Variants in ARHGAP24 observed in about 807,000 individuals in gnomAD.
ARHGAP24 encodes the protein Rho GTPase activating protein 24.
ARHGAP24 carries 50 observed loss-of-function variants against 76.4 expected under a neutral mutation model. The observed-to-expected ratio is 0.65, with a 90% CI of 0.52 to 0.83. The LOEUF (loss-of-function observed/expected upper bound fraction) is 0.83. Among genes scored for constraint, ARHGAP24 ranks in the 40% least tolerant of loss-of-function variants. The probability of loss-of-function intolerance (pLI) is 0.00; values close to 1 mark genes in which losing one functional copy is unlikely to be tolerated. For missense variants in ARHGAP24, 930 were observed against 914.2 expected (o/e 1.02, Z -0.22); for synonymous variants, 345 against 323.3 (o/e 1.07, Z -0.72).
chr4:85,542,041 G>A (rs1725724985), intron 1 of ARHGAP24, among the ~76,000 whole-genome samples: 1 of 152,104 alleles, frequency 6.6e-6, no homozygotes, highest in Admixed American at 6.6e-5. Flanking sequence ...AAAGTAAAGA[G>A]GTGACCCTTC....
intron 1 of ARHGAP24, among the ~76,000 whole-genome samples, chr4:85,561,727 G>C (rs1369770282): frequency 2.6e-5 from 4 of 151,972 alleles, no homozygotes; most frequent in Non-Finnish European, 5.9e-5. Context: ...TGCCTTAGGA[G>C]GTGTTCATGC....
chr4:85,977,148 C>A (rs1739387809), intron 7 of ARHGAP24, among the ~76,000 whole-genome samples: 1 of 152,076 alleles, frequency 6.6e-6, no homozygotes, highest in Non-Finnish European at 1.5e-5. Flanking sequence ...AATTACTCCA[C>A]AAAAAGGGTT....
intron 5 of ARHGAP24, among the ~76,000 whole-genome samples, chr4:85,966,466 CTG>C (rs1194531143): frequency 6.6e-6 from 1 of 152,170 alleles, no homozygotes; most frequent in East Asian, 1.9e-4. Flanking sequence ...ATTTATGTAA[CTG>C]TGCAATAAGC....
chr4:85,662,878 C>T (rs1391272522), intron 2 of ARHGAP24, among the ~76,000 whole-genome samples: 1 of 151,986 alleles, frequency 6.6e-6, no homozygotes, highest in Non-Finnish European at 1.5e-5. Flanking sequence ...TTGACCTATA[C>T]CTCTGTTTAG....
intron 4 of ARHGAP24, among the ~76,000 whole-genome samples, chr4:85,933,028 A>G (rs1736434517): frequency 6.6e-6 from 1 of 152,156 alleles, no homozygotes; most frequent in Non-Finnish European, 1.5e-5. Flanking sequence ...CTCGCCTCTC[A>G]ATTCTGGGTT....
At chr4:85,812,745 CA>C (rs757775767) in intron 3 of ARHGAP24, among the ~76,000 whole-genome samples, 5 of 152,292 alleles carry the variant, frequency 3.3e-5, no homozygotes, top group Admixed American at 6.5e-5. Flanking sequence ...CATAATTGAT[CA>C]ATATAGCTTT....
chr4:85,960,090 C>T (rs972577115), intron 5 of ARHGAP24, among the ~76,000 whole-genome samples: 1 of 152,136 alleles, frequency 6.6e-6, no homozygotes, highest in African/African-American at 2.4e-5. Flanking sequence ...CAAGTCCGCA[C>T]AAAACTTGTT....
At chr4:85,969,137 A>AT (rs1194209650) in intron 5 of ARHGAP24, among the ~76,000 whole-genome samples, 1 of 152,070 alleles carries the variant, frequency 6.6e-6, no homozygotes, top group Non-Finnish European at 1.5e-5. Context: ...ATCCTTCACA[A>AT]TTTTTACACC....
intron 3 of ARHGAP24, among the ~76,000 whole-genome samples, chr4:85,841,495 A>G (rs1304879572): frequency 6.6e-6 from 1 of 152,226 alleles, no homozygotes; most frequent in Non-Finnish European, 1.5e-5. Flanking sequence ...ATTACTTAGA[A>G]TAGTTTCTGG....
chr4:85,760,648 A>T (rs938362393), intron 3 of ARHGAP24, among the ~76,000 whole-genome samples: 1 of 152,200 alleles, frequency 6.6e-6, no homozygotes, highest in Non-Finnish European at 1.5e-5. Context: ...AATCATTGCC[A>T]TATGATGTTG....
At chr4:85,714,688 G>A (rs931044235) in intron 2 of ARHGAP24, among the ~76,000 whole-genome samples, 1 of 151,972 alleles carries the variant, frequency 6.6e-6, no homozygotes, top group African/African-American at 2.4e-5. Context: ...ACAATGCTTA[G>A]GTCAGTGTTC....
chr4:85,973,706 G>A (rs1301251865), intron 6 of ARHGAP24, among the ~76,000 whole-genome samples: 3 of 152,054 alleles, frequency 2.0e-5, no homozygotes, highest in African/African-American at 7.2e-5. Flanking sequence ...TGTTTTTGGT[G>A]TGAGGAAAGG....
At chr4:85,617,965 C>T (rs59682579) in intron 2 of ARHGAP24, among the ~76,000 whole-genome samples, 50,058 of 152,056 alleles carry the variant, frequency 0.33, 9,294 homozygotes, top group East Asian at 0.84. Context: ...AATACATCCA[C>T]CTCCTCACGT....
At chr4:85,868,659 TG>T (rs1732347247) in intron 3 of ARHGAP24, among the ~76,000 whole-genome samples, 2 of 152,186 alleles carry the variant, frequency 1.3e-5, no homozygotes, top group Admixed American at 6.6e-5. Flanking sequence ...GAGTAAAGTC[TG>T]TTGAGTATGG....
intron 3 of ARHGAP24, among the ~76,000 whole-genome samples, chr4:85,822,120 T>C (rs1462372873): frequency 6.6e-6 from 1 of 152,202 alleles, no homozygotes; most frequent in Non-Finnish European, 1.5e-5. Flanking sequence ...GAGCATTTTC[T>C]CCATATATGC....
chr4:85,572,673 A>T (rs1051086580), intron 2 of ARHGAP24, among the ~76,000 whole-genome samples: 2 of 152,096 alleles, frequency 1.3e-5, no homozygotes, highest in African/African-American at 4.8e-5. Context: ...TATTACTAGT[A>T]TTTGTAGACT....
intron 5 of ARHGAP24, among the ~76,000 whole-genome samples, chr4:85,971,472 AT>A (rs1007315902): frequency 5.9e-5 from 9 of 151,794 alleles, no homozygotes; most frequent in African/African-American, 1.2e-4. Flanking sequence ...GGGTTCTTTA[AT>A]TTTTTTTATT....
intron 1 of ARHGAP24, among the ~76,000 whole-genome samples, chr4:85,541,775 T>TA (rs998756866): frequency 1.6e-4 from 25 of 152,082 alleles, no homozygotes; most frequent in South Asian, 4.1e-4. Flanking sequence ...TAAAATGCCA[T>TA]AAAAAAACAG....
chr4:85,775,253 G>T lies in ARHGAP24; in HGVS notation c.268+53281G>T, dbSNP rs538175980. On this transcript the variant is annotated intron_variant, in intron 3 of 9. Coordinates refer to ENST00000395184, the MANE Select transcript of ARHGAP24 (RefSeq NM_001025616.3). ...GTAGCATCATCCTGAATGATGAGAA[G>T]ATCATTCTGTGAAAATATGAGGGAG... Among the ~76,000 whole-genome samples, 4 of 152,250 alleles carry T rather than the reference G, an allele frequency of 2.6e-5. No individual in the cohort carries two copies. In the East Asian group the frequency reaches 5.8e-4, roughly 22 times the overall value.
Sources: gnomAD v4.1 joint callset for allele counts (sites outside exome capture counted in the v4.1 genomes callset) on GRCh38, gnomAD v4.1.1 for gene constraint, MANE v1.5 for transcripts, NCBI Gene and HGNC (gene_info 2026-07-23, HGNC 2026-07-21) for gene names.